The following CTNNA2 variants were observed in gnomAD, a reference collection of about 807,000 sequenced individuals.
The protein encoded by CTNNA2 is catenin alpha 2, also known as catenin alpha-2.
In CTNNA2, 42 loss-of-function variants were observed where a neutral mutation model predicts 101.0. The observed-to-expected ratio is 0.42, with a 90% CI of 0.32 to 0.54. The LOEUF is 0.54. Ranked by LOEUF, CTNNA2 falls within the 20% of genes least tolerant of loss-of-function variation. The probability of loss-of-function intolerance (pLI) is 0.14; values close to 1 mark genes in which losing one functional copy is unlikely to be tolerated. For synonymous variants in CTNNA2, 450 were observed against 456.4 expected, an observed-to-expected ratio of 0.99 and a Z score of 0.18; for missense variants, 871 against 1,223.1, an observed-to-expected ratio of 0.71 and a Z score of 4.29.
At chr2:79,799,306 T>C (rs1160581) in intron 3 of CTNNA2, among the ~76,000 whole-genome samples, 63,807 of 151,684 alleles carry the variant, frequency 0.42, 16,023 homozygotes, top group African/African-American at 0.68. Flanking sequence ...TCTTTTTTTT[T>C]AACAGGGATT....
chr2:79,326,451 T>G (rs1217891280), intron 3 of CTNNA2, among the ~76,000 whole-genome samples: 1 of 152,186 alleles, frequency 6.6e-6, no homozygotes, highest in Non-Finnish European at 1.5e-5. Context: ...GAATCCACTC[T>G]TTATACAACC....
rs1675410999 is a variant in CTNNA2, at chr2:79,282,298, G to C, written c.-405-30411G>C. 9.2e-5 allele frequency among the ~76,000 whole-genome samples: 14 copies of C among 151,920 alleles called. No homozygotes were observed. The South Asian group carries it at 2.9e-3, about 32-fold the overall frequency. ...ATACTTTAAGTTTTAGGGTACCTGT[G>C]CACAATGTGCAGGTTAGTTACATAT... On this transcript the variant is annotated intron_variant, in intron 2 of 21. Transcript: ENST00000466387.
chr2:79,604,203 G>A (rs1362536121), intron 1 of CTNNA2, among the ~76,000 whole-genome samples: 1 of 152,188 alleles, frequency 6.6e-6, no homozygotes, highest in African/African-American at 2.4e-5. Flanking sequence ...TTCTGAATGT[G>A]TATCACTTTT....
chr2:80,607,225 T>C (rs780659166), intron 16 of CTNNA2, among the ~76,000 whole-genome samples: 21 of 151,858 alleles, frequency 1.4e-4, no homozygotes, highest in Admixed American at 3.9e-4. Flanking sequence ...TTATTTCTTA[T>C]AGTATTAAGG....
Position 79,230,497 on chromosome 2 carries a change from A to G in CTNNA2, c.-406+32421A>G, listed in dbSNP as rs1022455890. On this transcript the variant is annotated intron_variant, in intron 2 of 21. Transcript: ENST00000466387. ...CAGATTTCAGAAGATGTATGGAAACACCTGGATAACCAGGCAAAAGTTTGC... is the reference window on the plus strand; with the variant it reads ...CAGATTTCAGAAGATGTATGGAAACGCCTGGATAACCAGGCAAAAGTTTGC... Among the ~76,000 whole-genome samples, 3 of 152,226 alleles carry G rather than the reference A, an allele frequency of 2.0e-5. No individual in the cohort carries two copies. In the South Asian group the frequency reaches 6.2e-4, roughly 31 times the overall value.
intron 3 of CTNNA2, among the ~76,000 whole-genome samples, chr2:79,774,792 T>C (rs960028220): frequency 2.0e-5 from 3 of 152,192 alleles, no homozygotes; most frequent in Admixed American, 6.5e-5. Flanking sequence ...TTAGGAAATT[T>C]CTATTTCTTA....
intron 7 of CTNNA2, among the ~76,000 whole-genome samples, chr2:80,300,130 C>G (rs959830471): frequency 6.6e-6 from 1 of 152,068 alleles, no homozygotes; most frequent in East Asian, 1.9e-4. Flanking sequence ...AAAACCCCCT[C>G]CTCAAAGTTA....
intron 9 of CTNNA2, among the ~76,000 whole-genome samples, chr2:80,532,607 C>T (rs539461724): frequency 2.6e-5 from 4 of 152,184 alleles, no homozygotes; most frequent in Admixed American, 1.3e-4. Context: ...TAAACTTTAT[C>T]GTAGGTATGC....
intron 7 of CTNNA2, among the ~76,000 whole-genome samples, chr2:80,027,088 T>C (rs1038421586): frequency 6.6e-6 from 1 of 152,140 alleles, no homozygotes; most frequent in Non-Finnish European, 1.5e-5. Flanking sequence ...ATAAGTGATA[T>C]AAAGACAATC....
intron 3 of CTNNA2, among the ~76,000 whole-genome samples, chr2:79,750,874 A>G (rs1240326293): frequency 6.6e-6 from 1 of 151,558 alleles, no homozygotes; most frequent in Non-Finnish European, 1.5e-5. Flanking sequence ...TCTGTCTCAA[A>G]AAAAAAAAAA....
chr2:79,512,744 C>T (rs1233073573), upstream of CTNNA2, among the ~76,000 whole-genome samples: 1 of 151,624 alleles, frequency 6.6e-6, no homozygotes, highest in Admixed American at 6.6e-5. Flanking sequence ...CGGCGCCGAG[C>T]CTGCCGCGCC....
intron 2 of CTNNA2, among the ~76,000 whole-genome samples, chr2:79,270,135 TC>T (rs1675046399): frequency 6.6e-6 from 1 of 152,104 alleles, no homozygotes; most frequent in Non-Finnish European, 1.5e-5. Flanking sequence ...GCCCAGGAAA[TC>T]TTGGGGATTC....
chr2:80,011,964 A>C lies in CTNNA2; in HGVS notation c.1056+102167A>C, dbSNP rs543431011. Among the ~76,000 whole-genome samples the C allele has an allele frequency of 2.6e-5, 4 of 152,288 alleles. No individual in the cohort carries two copies. The South Asian group carries it at 8.3e-4, about 32-fold the overall frequency. ...GCAGAGGATGGGGGCACTTCAGTACAACTGAAGCAGTCATACACCACTTCT... is the reference window on the plus strand; with the variant it reads ...GCAGAGGATGGGGGCACTTCAGTACCACTGAAGCAGTCATACACCACTTCT... On this transcript the variant is annotated intron_variant, in intron 7 of 18. Transcript: ENST00000402739.
intron 3 of CTNNA2, among the ~76,000 whole-genome samples, chr2:79,766,979 C>T (rs564841419): frequency 2.0e-5 from 3 of 152,012 alleles, no homozygotes; most frequent in Non-Finnish European, 4.4e-5. Flanking sequence ...TGATCTTGAA[C>T]TCCTGACCTC....
chr2:79,952,034 C>G (rs1468330499), intron 7 of CTNNA2, among the ~76,000 whole-genome samples: 1 of 152,164 alleles, frequency 6.6e-6, no homozygotes, highest in Non-Finnish European at 1.5e-5. Flanking sequence ...GGAATGCATT[C>G]TTTGCTCTTG....
At chr2:79,416,341 G>C (rs1228014664) in intron 4 of CTNNA2, among the ~76,000 whole-genome samples, 1 of 99,188 alleles carries the variant, frequency 1.0e-5, no homozygotes, top group East Asian at 3.4e-4. Flanking sequence ...CTGTAATTTT[G>C]TATCTTGTTA....
chr2:79,512,465 G>A (rs1671571863), upstream of CTNNA2, among the ~76,000 whole-genome samples: 1 of 151,756 alleles, frequency 6.6e-6, no homozygotes, highest in African/African-American at 2.4e-5. Flanking sequence ...CCCTTCCGCG[G>A]CAGTCACTAC....
chr2:79,255,754 A>T lies in CTNNA2; in HGVS notation c.-405-56955A>T, dbSNP rs750734004. On this transcript the variant is annotated intron_variant, in intron 2 of 21. Transcript: ENST00000466387. ...TGTATGCATAAGTTTATTTAAATTC[A>T]CCTTGTGTAGCTTAAAATCAGACAT... 6.3e-4 allele frequency among the ~76,000 whole-genome samples: 96 copies of T among 152,316 alleles called. 1 individual carries two copies. Among genetic ancestry groups the T allele is most frequent in the Non-Finnish European group, 1.1e-3 (76 of 68,026 alleles).
chr2:79,389,423 T>G (rs1039276361), intron 4 of CTNNA2, among the ~76,000 whole-genome samples: 2 of 152,118 alleles, frequency 1.3e-5, no homozygotes, highest in African/African-American at 4.8e-5. Context: ...ATAAAAAGCA[T>G]GGGGGAGAAT....
Sources: gnomAD v4.1 joint callset for allele counts (sites outside exome capture counted in the v4.1 genomes callset) on GRCh38, gnomAD v4.1.1 for gene constraint, MANE v1.5 for transcripts, NCBI Gene and HGNC (gene_info 2026-07-23, HGNC 2026-07-21) for gene names.